NPSR1: variants seen among roughly 807,000 people sequenced by gnomAD.
NPSR1 encodes neuropeptide S receptor.
NPSR1 carries 48 observed loss-of-function variants against 46.9 expected under a neutral mutation model. The observed-to-expected ratio is 1.02, with a 90% CI of 0.81 to 1.30. The LOEUF is 1.30. Ranked by LOEUF, NPSR1 falls within the 50% of genes most tolerant of loss-of-function variation. The probability of loss-of-function intolerance (pLI) is 0.00; values close to 1 mark genes in which losing one functional copy is unlikely to be tolerated. For synonymous variants in NPSR1, 176 were observed against 168.1 expected, an observed-to-expected ratio of 1.05 and a Z score of -0.36; for missense variants, 450 against 449.5, an observed-to-expected ratio of 1.00 and a Z score of -0.01.
intron 2 of NPSR1, among the ~76,000 whole-genome samples, chr7:34,735,924 A>T (rs987550453): frequency 5.3e-5 from 8 of 152,210 alleles, no homozygotes; most frequent in African/African-American, 1.9e-4. Context: ...TCTCAACATG[A>T]ATAAAAAGCA....
At chr7:34,747,646 G>A (rs530220584) in intron 2 of NPSR1, among the ~76,000 whole-genome samples, 84 of 152,152 alleles carry the variant, frequency 5.5e-4, no homozygotes, top group African/African-American at 2.0e-3. Flanking sequence ...ACACGTGCAC[G>A]AGCACCCACG....
intron 2 of NPSR1, among the ~76,000 whole-genome samples, chr7:34,739,770 T>C (rs1436889745): frequency 6.6e-6 from 1 of 152,190 alleles, no homozygotes; most frequent in Admixed American, 6.5e-5. Flanking sequence ...TCTGTGGGTC[T>C]CTCAGCCATG....
chr7:34,875,106 T>C (rs568961305), intron 8 of NPSR1, among the ~76,000 whole-genome samples: 2 of 152,318 alleles, frequency 1.3e-5, no homozygotes, highest in South Asian at 2.1e-4. Context: ...AAAACAATAG[T>C]AGACACTCTT....
At chr7:34,821,361 C>T (rs2128753727) in intron 4 of NPSR1, among the ~76,000 whole-genome samples, 1 of 152,138 alleles carries the variant, frequency 6.6e-6, no homozygotes, top group Non-Finnish European at 1.5e-5. Flanking sequence ...AACTCCTGGG[C>T]TCAAGCAATC....
chr7:34,826,285 A>T (rs1789832658), intron 4 of NPSR1, among the ~76,000 whole-genome samples: 1 of 152,210 alleles, frequency 6.6e-6, no homozygotes, highest in Non-Finnish European at 1.5e-5. Context: ...TTCAGTGCAT[A>T]CAATTCAGGA....
At chr7:34,790,937 T>TATCA (rs1182162602) in intron 3 of NPSR1, among the ~76,000 whole-genome samples, 1 of 130,764 alleles carries the variant, frequency 7.6e-6, no homozygotes, top group Non-Finnish European at 1.5e-5. Context: ...ATATGTTATA[T>TATCA]TATATATCAT....
intron 6 of NPSR1, among the ~76,000 whole-genome samples, chr7:34,836,328 A>G (rs1790368402): frequency 6.6e-6 from 1 of 152,260 alleles, no homozygotes; most frequent in Non-Finnish European, 1.5e-5. Flanking sequence ...AAATGCAGTA[A>G]GTACTATAAT....
intron 2 of NPSR1, among the ~76,000 whole-genome samples, chr7:34,748,718 G>C (rs778110335): frequency 6.6e-6 from 1 of 152,110 alleles, no homozygotes; most frequent in Non-Finnish European, 1.5e-5. Context: ...GTTTGTGTGC[G>C]TGAGGTGCTG....
intron 2 of NPSR1, among the ~76,000 whole-genome samples, chr7:34,772,555 C>G (rs1786734494): frequency 6.6e-6 from 1 of 152,108 alleles, no homozygotes; most frequent in Non-Finnish European, 1.5e-5. Flanking sequence ...TAGGGTACAG[C>G]CCATGGGTAG....
intron 5 of NPSR1, among the ~76,000 whole-genome samples, chr7:34,831,864 A>G (rs1162207210): frequency 6.6e-6 from 1 of 151,780 alleles, no homozygotes; most frequent in East Asian, 1.9e-4. Context: ...AAAAAAGTGG[A>G]AAAAGCACAT....
intron 1 of NPSR1, among the ~76,000 whole-genome samples, chr7:34,680,169 G>A (rs1232167082): frequency 6.6e-6 from 1 of 151,920 alleles, no homozygotes; most frequent in Non-Finnish European, 1.5e-5. Flanking sequence ...CAAAAAAATG[G>A]GAAATATAAA....
intron 2 of NPSR1, among the ~76,000 whole-genome samples, chr7:34,712,178 A>C (rs956063983): frequency 2.6e-5 from 4 of 152,096 alleles, no homozygotes; most frequent in Admixed American, 2.6e-4. Context: ...GTTTTGTTTT[A>C]GTTTTTATAC....
intron 2 of NPSR1, among the ~76,000 whole-genome samples, chr7:34,737,622 C>T (rs997436650): frequency 4.6e-5 from 7 of 152,200 alleles, no homozygotes; most frequent in South Asian, 2.1e-4. Context: ...CTGGCCACTC[C>T]CTCTTCTTGA....
intron 3 of NPSR1, among the ~76,000 whole-genome samples, chr7:34,802,902 C>A (rs184841624): frequency 6.7e-6 from 1 of 150,300 alleles, no homozygotes; most frequent in Admixed American, 6.6e-5. Context: ...AAAAAGTGGG[C>A]GAAGGACAAG....
At chr7:34,758,821 C>T (rs891134611) in intron 2 of NPSR1, among the ~76,000 whole-genome samples, 2 of 152,186 alleles carry the variant, frequency 1.3e-5, no homozygotes, top group East Asian at 3.9e-4. Flanking sequence ...CCAAGAACAT[C>T]CTTTTTAGCA....
chr7:34,845,081 A>T (rs998227177), intron 7 of NPSR1, 99 bp downstream of exon 7: 4 of 797,376 alleles, frequency 5.0e-6, no homozygotes, highest in South Asian at 2.7e-5. Context: ...GCCAGCAGGC[A>T]CTTCTACATC....
chr7:34,845,554 G>T (rs1460211462), intron 7 of NPSR1: 1 of 455,462 alleles, frequency 2.2e-6, no homozygotes, highest in Non-Finnish European at 4.4e-6. Context: ...AATCTCATTT[G>T]TTCCCCAACA....
chr7:34,763,742 T>C (rs1022949476), intron 2 of NPSR1, among the ~76,000 whole-genome samples: 1 of 152,070 alleles, frequency 6.6e-6, no homozygotes, highest in African/African-American at 2.4e-5. Flanking sequence ...GAGTGAACAG[T>C]TGGGTATGGC....
Position 34,766,963 on chromosome 7 carries a change from TAAAG to T in NPSR1, c.281-11496_281-11493del, listed in dbSNP as rs375473471. ...TCTTAAAATCACAAAACTATAATGA[TAAAG>T]AACACATTAGTGTTTGCTAGGAAAT... is the stretch of plus-strand genomic sequence containing the variant. On this transcript the variant is annotated intron_variant, in intron 2 of 8. Coordinates refer to ENST00000360581, the MANE Select transcript of NPSR1 (RefSeq NM_207172.2). 3.0e-3 allele frequency among the ~76,000 whole-genome samples: 452 copies of T among 152,260 alleles called. 1 individual carries two copies. Among genetic ancestry groups the T allele is most frequent in the African/African-American group, 0.01 (432 of 41,558 alleles).
Sources: gnomAD v4.1 joint callset for allele counts (sites outside exome capture counted in the v4.1 genomes callset) on GRCh38, gnomAD v4.1.1 for gene constraint, MANE v1.5 for transcripts, NCBI Gene and HGNC (gene_info 2026-07-23, HGNC 2026-07-21) for gene names.